Variants in AGBL1 observed in about 807,000 individuals in gnomAD.
AGBL1 encodes the protein cytosolic carboxypeptidase 4.
AGBL1 carries 130 observed loss-of-function variants against 118.9 expected under a neutral mutation model. The ratio of observed to expected loss-of-function variants is 1.09; its 90% CI spans 0.95 to 1.26. The LOEUF is 1.26. Among genes scored for constraint, AGBL1 ranks in the 50% most tolerant of loss-of-function variants. AGBL1 has a pLI of 0.00. For missense variants in AGBL1, 1,584 were observed against 1,298.1 expected (o/e 1.22, Z -3.38); for synonymous variants, 555 against 478.9 (o/e 1.16, Z -2.08).
chr15:86,254,403 G>A (rs2078862831), intron 7 of AGBL1, among the ~76,000 whole-genome samples: 1 of 152,184 alleles, frequency 6.6e-6, no homozygotes, highest in South Asian at 2.1e-4. Flanking sequence ...TTTAGTCCAG[G>A]ATTTAAACTC....
In AGBL1 at chr15:86,449,075, A is replaced by G. The variant is rs1044346268; in HGVS notation, c.2555+51529A>G. 2.0e-5 allele frequency among the ~76,000 whole-genome samples: 3 copies of G among 152,176 alleles called. No homozygotes were observed. The East Asian group carries it at 5.8e-4, about 29-fold the overall frequency. ...ACAGATACAAAGCCCCATAAAGAGT[A>G]TATACCGAGAAAATATGAGGATCAA... On this transcript the variant is annotated intron_variant, in intron 18 of 22. Transcript: ENST00000614907.
At chr15:86,725,253 A>T (rs1449594134) in intron 22 of AGBL1, among the ~76,000 whole-genome samples, 2 of 152,258 alleles carry the variant, frequency 1.3e-5, no homozygotes, top group East Asian at 3.8e-4. Flanking sequence ...TCTGGTTCTC[A>T]TGTATTTCCA....
intron 22 of AGBL1, among the ~76,000 whole-genome samples, chr15:86,695,832 A>C (rs896524943): frequency 6.6e-6 from 1 of 152,012 alleles, no homozygotes; most frequent in East Asian, 1.9e-4. Flanking sequence ...TTTAATTTCC[A>C]TCTTGATTTC....
chr15:86,197,463 C>T (rs2077832614), intron 5 of AGBL1, among the ~76,000 whole-genome samples: 1 of 152,132 alleles, frequency 6.6e-6, no homozygotes, highest in African/African-American at 2.4e-5. Flanking sequence ...TATGAAGTGG[C>T]AAATAACTTG....
At chr15:86,817,084 C>T (rs934606523) in intron 22 of AGBL1, among the ~76,000 whole-genome samples, 3 of 151,716 alleles carry the variant, frequency 2.0e-5, no homozygotes, top group Non-Finnish European at 2.9e-5. Context: ...GTCAGGAGTT[C>T]GAGACCAGCA....
intron 5 of AGBL1, among the ~76,000 whole-genome samples, chr15:86,168,305 T>C (rs1479921990): frequency 2.0e-5 from 3 of 152,160 alleles, no homozygotes; most frequent in African/African-American, 7.2e-5. Context: ...CAGCTTTTGA[T>C]TTGAAATAGG....
chr15:86,747,980 T>C (rs957048832), intron 22 of AGBL1, among the ~76,000 whole-genome samples: 1 of 152,162 alleles, frequency 6.6e-6, no homozygotes, highest in African/African-American at 2.4e-5. Context: ...TTATAATCGT[T>C]TGGGTATATA....
At chr15:86,485,524 C>T (rs986206035) in intron 18 of AGBL1, among the ~76,000 whole-genome samples, 1 of 152,092 alleles carries the variant, frequency 6.6e-6, no homozygotes, top group Non-Finnish European at 1.5e-5. Context: ...GAAGCAGCCA[C>T]AGACAATAAC....
intron 17 of AGBL1, among the ~76,000 whole-genome samples, chr15:86,331,769 G>A (rs754224506): frequency 2.0e-5 from 3 of 152,214 alleles, no homozygotes; most frequent in Admixed American, 1.3e-4. Flanking sequence ...GTTATCACCA[G>A]ACCAGACTTA....
intron 5 of AGBL1, among the ~76,000 whole-genome samples, chr15:86,184,496 C>T (rs77986023): frequency 0.013 from 1,918 of 149,974 alleles, 25 homozygotes; most frequent in East Asian, 0.072. Flanking sequence ...AAATCATTTC[C>T]TGAATTTGAA....
intron 6 of AGBL1, among the ~76,000 whole-genome samples, chr15:86,244,540 T>C (rs2078690780): frequency 6.6e-6 from 1 of 151,716 alleles, no homozygotes; most frequent in South Asian, 2.1e-4. Context: ...GAAGGAGGTT[T>C]AGCTATTTTA....
intron 21 of AGBL1, among the ~76,000 whole-genome samples, chr15:86,582,484 G>A (rs1030529223): frequency 6.6e-6 from 1 of 152,160 alleles, no homozygotes; most frequent in East Asian, 1.9e-4. Flanking sequence ...ACTAGAAATA[G>A]CATTTGACCC....
At chr15:86,969,264 A>T (rs141229971) in intron 23 of AGBL1, among the ~76,000 whole-genome samples, 1 of 152,070 alleles carries the variant, frequency 6.6e-6, no homozygotes, top group African/African-American at 2.4e-5. Flanking sequence ...CAAACAAGTT[A>T]TGTGCTTTCC....
At position 86,247,234 on chromosome 15, in the gene AGBL1, C is replaced by G. The variant is rs2078735900; in HGVS notation, c.527-437C>G. Among the ~76,000 whole-genome samples, 8 of 152,232 alleles carry G rather than the reference C, an allele frequency of 5.3e-5. 1 individual carries two copies. The Middle Eastern group carries it at 0.027, about 518-fold the overall frequency. ...TGGCCCAAGATTTAAACTATAATTA[C>G]TTATTATGCTGACTTGTCATGTCTT... On this transcript the variant is annotated intron_variant, in intron 6 of 22. Transcript: ENST00000614907.
intron 22 of AGBL1, among the ~76,000 whole-genome samples, chr15:86,690,421 A>G (rs1013568640): frequency 1.3e-5 from 2 of 152,160 alleles, no homozygotes; most frequent in East Asian, 1.9e-4. Context: ...AAAACATGTC[A>G]TCTTAATAAA....
intron 1 of AGBL1, among the ~76,000 whole-genome samples, chr15:86,115,712 T>A (rs936375719): frequency 6.6e-6 from 1 of 152,156 alleles, no homozygotes; most frequent in African/African-American, 2.4e-5. Flanking sequence ...ATCTCTCGGG[T>A]TCTCTTTCTT....
chr15:86,155,068 C>T (rs971769145), intron 4 of AGBL1, among the ~76,000 whole-genome samples: 7 of 152,134 alleles, frequency 4.6e-5, no homozygotes, highest in African/African-American at 1.7e-4. Context: ...AACATCATTG[C>T]TCAGTTGATA....
At chr15:86,642,835 T>C (rs141498571) in intron 21 of AGBL1, among the ~76,000 whole-genome samples, 3 of 152,296 alleles carry the variant, frequency 2.0e-5, no homozygotes, top group South Asian at 4.1e-4. Flanking sequence ...AGCTACCATC[T>C]TTTTCTGTGC....
chr15:87,027,385 C>G (rs887207397), intron 24 of AGBL1, among the ~76,000 whole-genome samples: 2 of 151,764 alleles, frequency 1.3e-5, no homozygotes, highest in Non-Finnish European at 2.9e-5. Context: ...TCCTCAAAGA[C>G]AGGAGGCAGA....
Sources: gnomAD v4.1 joint callset for allele counts (sites outside exome capture counted in the v4.1 genomes callset) on GRCh38, gnomAD v4.1.1 for gene constraint, MANE v1.5 for transcripts, NCBI Gene and HGNC (gene_info 2026-07-23, HGNC 2026-07-21) for gene names.